The following PRKCH variants were observed in gnomAD, a reference collection of about 807,000 sequenced individuals.
PRKCH encodes protein kinase C eta type.
PRKCH carries 28 observed loss-of-function variants against 82.5 expected under a neutral mutation model. The ratio of observed to expected loss-of-function variants is 0.34; its 90% CI spans 0.25 to 0.47. The LOEUF (loss-of-function observed/expected upper bound fraction) is 0.47, where lower values mean the gene tolerates loss of function less well. Among genes scored for constraint, PRKCH ranks in the 20% least tolerant of loss-of-function variants. The pLI is 1.00. For missense variants in PRKCH, 705 were observed against 881.8 expected, an observed-to-expected ratio of 0.80 and a Z score of 2.54; for synonymous variants, 322 against 327.4, an observed-to-expected ratio of 0.98 and a Z score of 0.18.
chr14:61,530,716 G>A, intron 12 of PRKCH, 121 bp downstream of exon 12: 1 of 902,866 alleles, frequency 1.1e-6, no homozygotes, highest in African/African-American at 1.7e-5. Context: ...AATTTGTATT[G>A]TTCTAATCTA....
At chr14:61,385,903 A>T (rs2046580641) in intron 1 of PRKCH, among the ~76,000 whole-genome samples, 1 of 152,192 alleles carries the variant, frequency 6.6e-6, no homozygotes, top group East Asian at 1.9e-4. Flanking sequence ...CACCTGTCTG[A>T]AAGAGGTCTG....
chr14:61,433,156 T>C (rs1042451697), intron 2 of PRKCH, among the ~76,000 whole-genome samples: 4 of 152,096 alleles, frequency 2.6e-5, no homozygotes, highest in African/African-American at 9.7e-5. Flanking sequence ...TTAGTCTGTT[T>C]ACAGTGAGCA....
chr14:61,515,478 C>G (rs1332012733), intron 10 of PRKCH, among the ~76,000 whole-genome samples: 4 of 152,176 alleles, frequency 2.6e-5, no homozygotes, highest in African/African-American at 7.2e-5. Flanking sequence ...TGTCATTGTA[C>G]TGACCTGGGC....
chr14:61,324,827 A>G (rs1236390127), intron 1 of PRKCH, among the ~76,000 whole-genome samples: 1 of 152,330 alleles, frequency 6.6e-6, no homozygotes, highest in Admixed American at 6.5e-5. Context: ...ATTGACATGT[A>G]GTTTATTCAG....
chr14:61,254,619 CAAAAT>C (rs2044980852), intron 1 of PRKCH, among the ~76,000 whole-genome samples: 1 of 149,702 alleles, frequency 6.7e-6, no homozygotes, highest in East Asian at 2.4e-4. Flanking sequence ...AAAAACAAAA[CAAAAT>C]AAAACAAAAC....
At chr14:61,530,973 G>A (rs2043037893) in intron 12 of PRKCH, among the ~76,000 whole-genome samples, 1 of 152,184 alleles carries the variant, frequency 6.6e-6, no homozygotes, top group South Asian at 2.1e-4. Context: ...TATATCAATT[G>A]TGTTTCTGTT....
rs111920603 is a variant in PRKCH at position 61,460,759 on chromosome 14, G to A, written c.1278+3080G>A. The stretch of plus-strand genomic sequence containing the variant: ...CTTGAGTGAGAAGGTGCATTTCCCC[G>A]CCTTCCCATCATGGCATGCTCTCTG... On this transcript the variant is annotated intron_variant, in intron 9 of 13. Transcript: ENST00000332981. Among the ~76,000 whole-genome samples, 1,431 of 152,182 alleles carry A rather than the reference G, an allele frequency of 9.4e-3. 18 individuals are homozygous for A. The highest frequency in any genetic ancestry group is 0.033 in the African/African-American group (1,357 of 41,496).
chr14:61,466,271 G>T (rs1271241325), intron 9 of PRKCH, among the ~76,000 whole-genome samples: 1 of 152,134 alleles, frequency 6.6e-6, no homozygotes, highest in Non-Finnish European at 1.5e-5. Flanking sequence ...TTAAGTCAGG[G>T]ACCAGACCCC....
chr14:61,365,746 G>A (rs2046289924), intron 1 of PRKCH, among the ~76,000 whole-genome samples: 1 of 152,010 alleles, frequency 6.6e-6, no homozygotes, highest in South Asian at 2.1e-4. Context: ...AGAGGCAGAA[G>A]ATACGATTCT....
intron 2 of PRKCH, among the ~76,000 whole-genome samples, chr14:61,393,707 AG>A (rs2046723478): frequency 6.6e-6 from 1 of 152,212 alleles, no homozygotes; most frequent in South Asian, 2.1e-4. Flanking sequence ...CCATCTTTCC[AG>A]GTTTTCTCCC....
chr14:61,518,698 G>A (rs1189750242), intron 10 of PRKCH, among the ~76,000 whole-genome samples: 1 of 152,122 alleles, frequency 6.6e-6, no homozygotes, highest in Non-Finnish European at 1.5e-5. Context: ...AGTGGTGATG[G>A]TGGGAACACA....
chr14:61,374,047 C>A (rs1594635446), intron 1 of PRKCH, among the ~76,000 whole-genome samples: 1 of 152,122 alleles, frequency 6.6e-6, no homozygotes, highest in African/African-American at 2.4e-5. Flanking sequence ...GGGGTACAGG[C>A]ATTGGGTAAA....
chr14:61,352,739 AAAG>A (rs2046099649), intron 1 of PRKCH, among the ~76,000 whole-genome samples: 1 of 150,248 alleles, frequency 6.7e-6, no homozygotes, highest in South Asian at 2.1e-4. Context: ...AGAAAGAAAG[AAAG>A]ATGTCCTAGA....
At chr14:61,465,296 C>T (rs1369801404) in intron 9 of PRKCH, among the ~76,000 whole-genome samples, 1 of 152,186 alleles carries the variant, frequency 6.6e-6, no homozygotes, top group African/African-American at 2.4e-5. Flanking sequence ...AAAGCCATTG[C>T]CTATGCCTGT....
chr14:61,223,679 G>C (rs1005973058), intron 1 of PRKCH, among the ~76,000 whole-genome samples: 2 of 152,170 alleles, frequency 1.3e-5, no homozygotes, highest in African/African-American at 4.8e-5. Flanking sequence ...GTATGATGCT[G>C]TATCTGTATA....
intron 11 of PRKCH, 130 bp from the exon 12 acceptor site, chr14:61,530,277 G>T: frequency 5.0e-6 from 5 of 1,003,778 alleles, no homozygotes; most frequent in Non-Finnish European, 4.2e-6. Context: ...AATGAAATAC[G>T]CTTGCTAGCA....
At chr14:61,438,676 A>G (rs1008790805) in intron 2 of PRKCH, among the ~76,000 whole-genome samples, 8 of 152,288 alleles carry the variant, frequency 5.3e-5, no homozygotes, top group Non-Finnish European at 1.2e-4. Flanking sequence ...CTCCTCATCC[A>G]CAGAAGCCTC....
chr14:61,209,164 A>G (rs1024028272), intron 1 of PRKCH, among the ~76,000 whole-genome samples: 8 of 152,156 alleles, frequency 5.3e-5, no homozygotes, highest in Non-Finnish European at 1.2e-4. Flanking sequence ...GATGTAGCCC[A>G]AAGGCCCTTG....
intron 1 of PRKCH, among the ~76,000 whole-genome samples, chr14:61,267,188 A>G (rs1014436089): frequency 2.0e-5 from 3 of 152,194 alleles, no homozygotes; most frequent in Non-Finnish European, 4.4e-5. Flanking sequence ...GGCTCTGAGT[A>G]TGTCTGATAG....
Sources: allele counts gnomAD v4.1 joint callset (sites outside exome capture counted in the v4.1 genomes callset), GRCh38; gene constraint gnomAD v4.1.1; transcripts MANE v1.5; gene names NCBI Gene and HGNC (gene_info 2026-07-23, HGNC 2026-07-21).